Variants in RCAN2 observed in about 807,000 individuals in gnomAD.
RCAN2 encodes regulator of calcineurin 2, also known as calcipressin-2.
Under a neutral mutation model 23.6 loss-of-function variants are expected in RCAN2, and 9 were observed. The ratio of observed to expected loss-of-function variants is 0.38; its 90% CI spans 0.23 to 0.67. The LOEUF (loss-of-function observed/expected upper bound fraction) is 0.67. Ranked by LOEUF, RCAN2 falls within the 30% of genes least tolerant of loss-of-function variation. The pLI, the probability that RCAN2 is intolerant of heterozygous loss-of-function variation, is 0.51. For synonymous variants in RCAN2, 109 were observed against 115.7 expected, an observed-to-expected ratio of 0.94 and a Z score of 0.37; for missense variants, 273 against 302.3, an observed-to-expected ratio of 0.90 and a Z score of 0.72.
At chr6:46,434,682 T>C (rs968654428) in intron 2 of RCAN2, among the ~76,000 whole-genome samples, 1 of 152,180 alleles carries the variant, frequency 6.6e-6, no homozygotes, top group Non-Finnish European at 1.5e-5. Flanking sequence ...TAGAACAGAT[T>C]ATTGAGAAAT....
At chr6:46,469,135 G>A (rs1224276614) in intron 1 of RCAN2, among the ~76,000 whole-genome samples, 1 of 152,178 alleles carries the variant, frequency 6.6e-6, no homozygotes, top group African/African-American at 2.4e-5. Flanking sequence ...TCTAGATGGA[G>A]CTGTCTGCCC....
At chr6:46,338,874 G>T (rs901510138) in intron 2 of RCAN2, among the ~76,000 whole-genome samples, 2 of 151,940 alleles carry the variant, frequency 1.3e-5, no homozygotes, top group African/African-American at 2.4e-5. Flanking sequence ...AAATAGCCGG[G>T]TATGGTGATG....
chr6:46,401,409 A>C (rs1360761179), intron 2 of RCAN2, among the ~76,000 whole-genome samples: 2 of 152,186 alleles, frequency 1.3e-5, no homozygotes, highest in Non-Finnish European at 2.9e-5. Context: ...GTAGAGATTC[A>C]GGTGCCTTCC....
intron 3 of RCAN2, among the ~76,000 whole-genome samples, chr6:46,248,373 C>T (rs532600654): frequency 6.6e-6 from 1 of 152,306 alleles, no homozygotes; most frequent in South Asian, 2.1e-4. Flanking sequence ...ATTATAACTA[C>T]TAGCGGGCAT....
At chr6:46,400,470 G>C (rs563548795) in intron 2 of RCAN2, among the ~76,000 whole-genome samples, 1 of 152,194 alleles carries the variant, frequency 6.6e-6, no homozygotes, top group East Asian at 1.9e-4. Context: ...CCCAGGATCT[G>C]GCTAGTAAAA....
At chr6:46,456,206 C>A (rs1214728588) in intron 2 of RCAN2, among the ~76,000 whole-genome samples, 3 of 152,152 alleles carry the variant, frequency 2.0e-5, no homozygotes, top group African/African-American at 4.8e-5. Flanking sequence ...CAAATTCTTA[C>A]AACACACACA....
At chr6:46,296,905 C>A (rs983994709) in intron 2 of RCAN2, among the ~76,000 whole-genome samples, 7 of 152,234 alleles carry the variant, frequency 4.6e-5, no homozygotes, top group Admixed American at 1.3e-4. Context: ...GGTAGCAAGT[C>A]ACACAGAGAT....
At chr6:46,475,764 G>T (rs1023927441) in intron 1 of RCAN2, among the ~76,000 whole-genome samples, 3 of 152,142 alleles carry the variant, frequency 2.0e-5, no homozygotes, top group African/African-American at 7.2e-5. Context: ...GAAGTCAGGA[G>T]TTATGTTTAT....
At chr6:46,331,905 G>A (rs1763986272) in intron 2 of RCAN2, among the ~76,000 whole-genome samples, 1 of 152,100 alleles carries the variant, frequency 6.6e-6, no homozygotes, top group South Asian at 2.1e-4. Context: ...GTTCTTACCA[G>A]CAACATAATT....
At chr6:46,252,857 G>A (rs1766780245) in intron 2 of RCAN2, among the ~76,000 whole-genome samples, 1 of 152,148 alleles carries the variant, frequency 6.6e-6, no homozygotes, top group Non-Finnish European at 1.5e-5. Context: ...GGTTGGAAAA[G>A]GGTGGAGTAT....
chr6:46,336,937 A>T (rs1440023773), intron 2 of RCAN2, among the ~76,000 whole-genome samples: 1 of 145,478 alleles, frequency 6.9e-6, no homozygotes, highest in African/African-American at 2.5e-5. Context: ...TGAGGAGAAA[A>T]ACATATTGGA....
intron 1 of RCAN2, among the ~76,000 whole-genome samples, chr6:46,485,046 TAAG>T (rs1471054557): frequency 6.6e-6 from 1 of 152,196 alleles, no homozygotes; most frequent in South Asian, 2.1e-4. Flanking sequence ...GAGAAAGCTT[TAAG>T]AAGGTCTATC....
intron 1 of RCAN2, 137 bp downstream of exon 1, chr6:46,491,031 GCCCCC>G (rs1769128259): frequency 7.4e-6 from 1 of 135,688 alleles, no homozygotes; most frequent in African/African-American, 2.7e-5. Flanking sequence ...CCCCGCCCCC[GCCCCC>G]GCCCCCGCCC....
At chr6:46,367,953 T>C (rs1765219970) in intron 2 of RCAN2, among the ~76,000 whole-genome samples, 1 of 152,172 alleles carries the variant, frequency 6.6e-6, no homozygotes, top group South Asian at 2.1e-4. Flanking sequence ...TTGTCTCTAC[T>C]CTCTGCTCTA....
At chr6:46,236,090 GC>G (rs1450481270) in intron 4 of RCAN2, among the ~76,000 whole-genome samples, 1 of 152,158 alleles carries the variant, frequency 6.6e-6, no homozygotes, top group East Asian at 1.9e-4. Context: ...GGCCACTGTT[GC>G]CCCCAAGTAA....
chr6:46,340,384 A>G (rs1764277838), intron 2 of RCAN2, among the ~76,000 whole-genome samples: 1 of 152,234 alleles, frequency 6.6e-6, no homozygotes, highest in African/African-American at 2.4e-5. Context: ...TGTATAGTAC[A>G]GAGTTGTTTC....
intron 1 of RCAN2, among the ~76,000 whole-genome samples, chr6:46,463,583 C>G (rs1768283560): frequency 6.6e-6 from 1 of 152,032 alleles, no homozygotes; most frequent in Non-Finnish European, 1.5e-5. Flanking sequence ...TTTATCTTAC[C>G]ATGATTGGAA....
At chr6:46,242,313 C>T (rs1171016373) in intron 4 of RCAN2, among the ~76,000 whole-genome samples, 1 of 152,180 alleles carries the variant, frequency 6.6e-6, no homozygotes, top group Non-Finnish European at 1.5e-5. Context: ...CCTTGCTTGT[C>T]TGAGATGAGG....
chr6:46,256,356 C>T (rs184868310), intron 2 of RCAN2, among the ~76,000 whole-genome samples: 113 of 146,152 alleles, frequency 7.7e-4, no homozygotes, highest in Admixed American at 1.4e-3. Context: ...GGTGACAGAG[C>T]GAGATTCTGT....
Sources: gnomAD v4.1 joint callset for allele counts (sites outside exome capture counted in the v4.1 genomes callset) on GRCh38, gnomAD v4.1.1 for gene constraint, MANE v1.5 for transcripts, NCBI Gene and HGNC (gene_info 2026-07-23, HGNC 2026-07-21) for gene names.